BMPR1A: variants seen among roughly 807,000 people sequenced by gnomAD.
BMPR1A encodes bone morphogenetic protein receptor type-1A.
A neutral mutation model predicts 66.0 loss-of-function variants in BMPR1A; 7 were observed. The ratio of observed to expected loss-of-function variants is 0.11; its 90% CI spans 0.06 to 0.20. The LOEUF (loss-of-function observed/expected upper bound fraction) is 0.20. BMPR1A is among the 10% of genes least tolerant of loss of function. BMPR1A has a pLI of 1.00. For missense variants in BMPR1A, 408 were observed against 669.1 expected (o/e 0.61, Z 4.31); for synonymous variants, 200 against 229.7 (o/e 0.87, Z 1.17).
downstream of BMPR1A, chr10:86,927,996 C>T (rs1843767189): frequency 5.7e-6 from 1 of 176,508 alleles, no homozygotes; most frequent in African/African-American, 2.4e-5. Context: ...TGTGATGCTA[C>T]ACTCAGACGG....
intron 1 of BMPR1A, among the ~76,000 whole-genome samples, chr10:86,806,575 G>C (rs1421894449): frequency 2.6e-5 from 4 of 151,842 alleles, no homozygotes; most frequent in African/African-American, 9.7e-5. Flanking sequence ...TTTTTCATCA[G>C]GGTCTCACTC....
chr10:86,910,170 TA>T (rs997430402), intron 7 of BMPR1A, among the ~76,000 whole-genome samples: 3 of 149,986 alleles, frequency 2.0e-5, no homozygotes, highest in African/African-American at 2.4e-5. Flanking sequence ...CCATCTCTAC[TA>T]AAAAAAAATA....
At chr10:86,922,043 T>TCC (rs61246590) in intron 11 of BMPR1A, among the ~76,000 whole-genome samples, 31 of 151,794 alleles carry the variant, frequency 2.0e-4, no homozygotes, top group Non-Finnish European at 2.9e-4. Context: ...TTATTAAACA[T>TCC]CCCCCCCCAT....
At chr10:86,873,669 G>A (rs530667219) in intron 2 of BMPR1A, among the ~76,000 whole-genome samples, 11 of 152,164 alleles carry the variant, frequency 7.2e-5, no homozygotes, top group Non-Finnish European at 1.5e-4. Context: ...TTGAAATGAG[G>A]AAGAGAGATT....
chr10:86,842,181 G>A (rs918131045), intron 2 of BMPR1A, among the ~76,000 whole-genome samples: 3 of 152,128 alleles, frequency 2.0e-5, no homozygotes, highest in African/African-American at 7.2e-5. Context: ...ATCTGATGCT[G>A]TCTCCAGGTG....
In BMPR1A at chr10:86,828,013, G is replaced by A. The variant is rs187346348; in HGVS notation, c.-267-10852G>A. Among the ~76,000 whole-genome samples the A allele has an allele frequency of 1.4e-4, 22 of 152,276 alleles. No homozygotes were observed. The South Asian group carries it at 1.7e-3, about 11-fold the overall frequency. On this transcript the variant is annotated intron_variant, in intron 1 of 12. Coordinates refer to ENST00000372037, the MANE Select transcript of BMPR1A (RefSeq NM_004329.3). The stretch of plus-strand genomic sequence containing the variant: ...CTAAAAATAAAAAAATTAGCCGAGC[G>A]TGGTGACACGTGCCTGTAATCCCAG...
At chr10:86,778,175 C>T (rs925778467) in intron 1 of BMPR1A, among the ~76,000 whole-genome samples, 2 of 151,452 alleles carry the variant, frequency 1.3e-5, no homozygotes, top group Non-Finnish European at 2.9e-5. Context: ...AGGATAGCTT[C>T]GAATACAGAC....
chr10:86,784,969 G>A (rs761756738), intron 1 of BMPR1A, among the ~76,000 whole-genome samples: 14 of 151,720 alleles, frequency 9.2e-5, no homozygotes, highest in Admixed American at 4.6e-4. Context: ...GGCATTTACT[G>A]CTATAAACTT....
chr10:86,759,901 AT>A (rs1329892283), intron 1 of BMPR1A, among the ~76,000 whole-genome samples: 4 of 151,626 alleles, frequency 2.6e-5, no homozygotes, highest in South Asian at 2.1e-4. Flanking sequence ...AATGTTTCAC[AT>A]TTTTTTCAGG....
At chr10:86,836,582 G>A (rs1842350701) in intron 1 of BMPR1A, among the ~76,000 whole-genome samples, 1 of 152,140 alleles carries the variant, frequency 6.6e-6, no homozygotes, top group Non-Finnish European at 1.5e-5. Context: ...CGGATCACTT[G>A]AGGTCAGGAG....
chr10:86,929,604 C>T (rs943944037), downstream of BMPR1A: 8 of 152,188 alleles, frequency 5.3e-5, no homozygotes, highest in East Asian at 1.9e-4. Context: ...AGATTCCTCA[C>T]GGGAGTCTCT....
intron 1 of BMPR1A, among the ~76,000 whole-genome samples, chr10:86,766,640 G>A (rs1383635790): frequency 2.0e-5 from 2 of 101,360 alleles, no homozygotes; most frequent in African/African-American, 1.1e-4. Context: ...TTTTGAGACG[G>A]AGTCTCGCTC....
intron 7 of BMPR1A, among the ~76,000 whole-genome samples, chr10:86,904,699 T>G (rs1843360355): frequency 6.6e-6 from 1 of 152,100 alleles, no homozygotes; most frequent in South Asian, 2.1e-4. Context: ...TGGCACAAAC[T>G]AACAATATCT....
At chr10:86,861,579 A>G (rs1842714967) in intron 2 of BMPR1A, among the ~76,000 whole-genome samples, 1 of 152,142 alleles carries the variant, frequency 6.6e-6, no homozygotes, top group Non-Finnish European at 1.5e-5. Context: ...GAAAGACTTC[A>G]TTTTCTTTTT....
At chr10:86,916,468 G>A (rs1843569084) in intron 8 of BMPR1A, among the ~76,000 whole-genome samples, 1 of 152,208 alleles carries the variant, frequency 6.6e-6, no homozygotes. Context: ...CAGGAAGGGG[G>A]CAAGCCCCAG....
intron 1 of BMPR1A, among the ~76,000 whole-genome samples, chr10:86,776,560 G>A (rs144403953): frequency 6.6e-6 from 1 of 152,234 alleles, no homozygotes; most frequent in African/African-American, 2.4e-5. Context: ...CTCAAGCAGT[G>A]GAATTTTCTG....
intron 2 of BMPR1A, among the ~76,000 whole-genome samples, chr10:86,850,739 C>T (rs1465940830): frequency 1.3e-5 from 2 of 152,140 alleles, no homozygotes; most frequent in East Asian, 1.9e-4. Context: ...TCAAGTGATC[C>T]TCCTGCCTCA....
intron 2 of BMPR1A, among the ~76,000 whole-genome samples, chr10:86,861,930 T>A (rs1228938002): frequency 1.3e-5 from 2 of 152,202 alleles, no homozygotes; most frequent in Non-Finnish European, 2.9e-5. Context: ...AAGTCTGGTT[T>A]GTATATAAAA....
chr10:86,902,304 T>TGC (rs1441647341), intron 7 of BMPR1A, among the ~76,000 whole-genome samples: 2 of 152,206 alleles, frequency 1.3e-5, no homozygotes, highest in Non-Finnish European at 2.9e-5. Flanking sequence ...CTCTTTGATT[T>TGC]ATAGAAGCTC....
Sources: allele counts gnomAD v4.1 joint callset (sites outside exome capture counted in the v4.1 genomes callset), GRCh38; gene constraint gnomAD v4.1.1; transcripts MANE v1.5; gene names NCBI Gene and HGNC (gene_info 2026-07-23, HGNC 2026-07-21).